The following RBFOX1 variants were observed in gnomAD, a reference collection of about 807,000 sequenced individuals.
RBFOX1 encodes the protein RNA binding fox-1 homolog 1, also known as RNA binding protein fox-1 homolog 1.
RBFOX1 carries 8 observed loss-of-function variants against 57.7 expected under a neutral mutation model. The ratio of observed to expected loss-of-function variants is 0.14; its 90% CI spans 0.08 to 0.25. RBFOX1 has a LOEUF of 0.25. Ranked by LOEUF, RBFOX1 falls within the 10% of genes least tolerant of loss-of-function variation. The probability of loss-of-function intolerance (pLI) is 1.00; values close to 1 mark genes in which losing one functional copy is unlikely to be tolerated. For synonymous variants in RBFOX1, 326 were observed against 222.4 expected, an observed-to-expected ratio of 1.47 and a Z score of -4.15; for missense variants, 611 against 548.5, an observed-to-expected ratio of 1.11 and a Z score of -1.14.
intron 5 of RBFOX1, among the ~76,000 whole-genome samples, chr16:7,551,143 C>T (rs948933691): frequency 2.6e-5 from 4 of 151,284 alleles, no homozygotes; most frequent in African/African-American, 9.7e-5. Flanking sequence ...CTGCTTTCGC[C>T]ACGATAGAGT....
chr16:6,490,079 G>C (rs1277631880), intron 2 of RBFOX1, among the ~76,000 whole-genome samples: 4 of 152,200 alleles, frequency 2.6e-5, no homozygotes, highest in African/African-American at 4.8e-5. Flanking sequence ...CTTGATCTCA[G>C]CTAATGCCAG....
At chr16:5,586,559 A>C (rs1051042810) in intron 2 of RBFOX1, among the ~76,000 whole-genome samples, 3 of 152,208 alleles carry the variant, frequency 2.0e-5, no homozygotes, top group Non-Finnish European at 4.4e-5. Flanking sequence ...GTACAGTGGC[A>C]TGATTATAAC....
intron 1 of RBFOX1, among the ~76,000 whole-genome samples, chr16:5,436,504 T>A (rs945982138): frequency 5.9e-5 from 9 of 152,328 alleles, no homozygotes; most frequent in Middle Eastern, 3.4e-3. Context: ...TCAGAACTCG[T>A]CTTTTTTACA....
intron 4 of RBFOX1, among the ~76,000 whole-genome samples, chr16:7,095,600 C>T (rs1211072023): frequency 4.6e-5 from 7 of 152,148 alleles, no homozygotes; most frequent in African/African-American, 1.7e-4. Context: ...TGAGCTTTCT[C>T]TATACTTGGA....
At chr16:7,081,149 C>T (rs1022244964) in intron 4 of RBFOX1, among the ~76,000 whole-genome samples, 5 of 152,210 alleles carry the variant, frequency 3.3e-5, no homozygotes, top group Non-Finnish European at 7.3e-5. Flanking sequence ...ATTCTCCTGC[C>T]TCAGCCTCCC....
At chr16:5,484,736 C>T (rs943063391) in intron 2 of RBFOX1, among the ~76,000 whole-genome samples, 3 of 151,538 alleles carry the variant, frequency 2.0e-5, no homozygotes, top group Admixed American at 6.6e-5. Context: ...CATGGTGAAA[C>T]CCCATCTCTA....
chr16:5,646,399 AAAGT>A (rs1279589233), intron 3 of RBFOX1, among the ~76,000 whole-genome samples: 1 of 152,002 alleles, frequency 6.6e-6, no homozygotes, highest in Non-Finnish European at 1.5e-5. Context: ...TCGGCCTCCT[AAAGT>A]GCTGGGATTA....
rs112841567 is a variant in RBFOX1, at chr16:6,357,963, G to GAAA, written c.-64+40919_-64+40921dup. 2.6e-5 allele frequency among the ~76,000 whole-genome samples: 3 copies of GAAA among 115,182 alleles called. No homozygotes were observed. The East Asian group carries it at 7.1e-4, about 27-fold the overall frequency. 75.6% of individuals were successfully genotyped at this position (115,182 alleles called of 152,430 possible). A position where few individuals can be genotyped will look rare whatever the true frequency, so the allele number is the denominator to read the frequency against. ...CAGAGCAAGACTCCATCTCAAAAAAGAAAAAAAAAAAAAAAGAAATTAATG... is the reference window on the plus strand; with the variant it reads ...CAGAGCAAGACTCCATCTCAAAAAAGAAAAAAAAAAAAAAAAAAGAAATTAATG... On this transcript the variant is annotated intron_variant, in intron 2 of 15. Coordinates refer to ENST00000550418, the MANE Select transcript of RBFOX1 (RefSeq NM_018723.4).
Position 6,450,785 on chromosome 16 carries a change from A to ATG in RBFOX1, c.-64+133729_-64+133730insGT, listed in dbSNP as rs2094581343. ...TATATGTGTATATATATATATATAT[A>ATG]TATACATATATATATGTATATATAT... is the stretch of plus-strand genomic sequence containing the variant. On this transcript the variant is annotated intron_variant, in intron 2 of 15. Transcript: ENST00000550418. 1.8e-4 allele frequency among the ~76,000 whole-genome samples: 10 copies of ATG among 54,540 alleles called. 1 individual carries two copies. Among genetic ancestry groups the ATG allele is most frequent in the African/African-American group, 9.4e-4 (10 of 10,676 alleles). The allele number at this position is 54,540 out of a possible 152,430, so 35.8% of individuals were successfully genotyped here.
chr16:6,680,155 G>C (rs1032930291), intron 3 of RBFOX1, among the ~76,000 whole-genome samples: 2 of 151,888 alleles, frequency 1.3e-5, no homozygotes, highest in Non-Finnish European at 2.9e-5. Context: ...GTTGTGTTTG[G>C]GAATGAGAAG....
intron 2 of RBFOX1, among the ~76,000 whole-genome samples, chr16:5,556,265 A>G (rs923771016): frequency 1.3e-5 from 2 of 152,196 alleles, no homozygotes; most frequent in African/African-American, 4.8e-5. Context: ...CAAGCTTGCC[A>G]TCTGTAGAAA....
chr16:7,273,210 CT>C (rs2095368804), intron 4 of RBFOX1, among the ~76,000 whole-genome samples: 1 of 101,986 alleles, frequency 9.8e-6, no homozygotes, highest in African/African-American at 4.1e-5. Flanking sequence ...CCCTCCCTTC[CT>C]TCCTTCCTTC....
At chr16:6,966,513 G>T (rs1037123167) in intron 3 of RBFOX1, among the ~76,000 whole-genome samples, 1 of 152,066 alleles carries the variant, frequency 6.6e-6, no homozygotes, top group Non-Finnish European at 1.5e-5. Context: ...CGAGAGGGGC[G>T]GACGGGGGAA....
chr16:6,807,554 A>G (rs971786974), intron 3 of RBFOX1, among the ~76,000 whole-genome samples: 1 of 152,064 alleles, frequency 6.6e-6, no homozygotes, highest in Admixed American at 6.6e-5. Flanking sequence ...GTGGTGGCTC[A>G]CACCTGTAAT....
chr16:7,330,818 C>G (rs2096680408), intron 4 of RBFOX1, among the ~76,000 whole-genome samples: 2 of 152,206 alleles, frequency 1.3e-5, no homozygotes, highest in Non-Finnish European at 2.9e-5. Context: ...AGTAAGAGCT[C>G]TCCCCTCCTG....
intron 2 of RBFOX1, among the ~76,000 whole-genome samples, chr16:6,490,282 C>T (rs2095602331): frequency 1.3e-5 from 2 of 152,228 alleles, no homozygotes; most frequent in Admixed American, 1.3e-4. Flanking sequence ...CAATTAAATA[C>T]ATACCAGAAT....
At chr16:6,609,371 GT>G (rs1248468822) in intron 2 of RBFOX1, among the ~76,000 whole-genome samples, 1 of 151,928 alleles carries the variant, frequency 6.6e-6, no homozygotes, top group Non-Finnish European at 1.5e-5. Flanking sequence ...TTGAGACAGG[GT>G]CTCACTCTGT....
At chr16:7,188,073 AT>A (rs970815966) in intron 4 of RBFOX1, among the ~76,000 whole-genome samples, 5 of 152,104 alleles carry the variant, frequency 3.3e-5, no homozygotes. Context: ...TGTTTCTCAC[AT>A]TTTTTGCATG....
chr16:5,849,081 C>G (rs1397113382), intron 3 of RBFOX1, among the ~76,000 whole-genome samples: 1 of 152,128 alleles, frequency 6.6e-6, no homozygotes, highest in Non-Finnish European at 1.5e-5. Flanking sequence ...GGTAAGAACA[C>G]TAGAGTCCTT....
Sources: gnomAD v4.1 joint callset for allele counts (sites outside exome capture counted in the v4.1 genomes callset) on GRCh38, gnomAD v4.1.1 for gene constraint, MANE v1.5 for transcripts, NCBI Gene and HGNC (gene_info 2026-07-23, HGNC 2026-07-21) for gene names.